Variants in ECPAS observed in about 807,000 individuals in gnomAD.
ECPAS encodes proteasome adapter and scaffold protein ECM29.
Under a neutral mutation model 255.1 loss-of-function variants are expected in ECPAS, and 70 were observed. The ratio of observed to expected loss-of-function variants is 0.27; its 90% CI spans 0.23 to 0.33. ECPAS has a LOEUF of 0.33. Ranked by LOEUF, ECPAS falls within the 10% of genes least tolerant of loss-of-function variation. ECPAS has a pLI of 1.00. For missense variants in ECPAS, 1,817 were observed against 2,206.4 expected (o/e 0.82, Z 3.54); for synonymous variants, 784 against 775.0 (o/e 1.01, Z -0.19).
chr9:111,425,542 A>T, intron 11 of ECPAS, 46 bp from the exon 12 acceptor site: 1 of 1,309,120 alleles, frequency 7.6e-7, no homozygotes, highest in Non-Finnish European at 1.1e-6. Flanking sequence ...GAATCTCATG[A>T]CTACATATCT....
chr9:111,391,202 C>A (rs1027722162), intron 29 of ECPAS, among the ~76,000 whole-genome samples: 1 of 152,178 alleles, frequency 6.6e-6, no homozygotes, highest in Non-Finnish European at 1.5e-5. Flanking sequence ...CTCATCCCCC[C>A]AGAGTGACCC....
In ECPAS at chr9:111,397,084, C is replaced by A; in HGVS notation, c.2722G>T (p.Val908Leu). Residue 908 changes from valine (V) to leucine (L), a missense_variant, in exon 25 of 50, where the codon GTG becomes TTG. Coordinates refer to ENST00000684092, the MANE Select transcript of ECPAS (RefSeq NM_001364929.1). ...ATTTGCCAGGCATCTCGGGCAGCCA[C>A]AGAACTAGTTCCTATTGCAGCACTG... is the stretch of plus-strand genomic sequence containing the variant. ...ITSAAIGTSS[V>L]AARDAWQMTE... The A allele has an allele frequency of 1.2e-6, 2 of 1,613,960 alleles. No individual in the cohort carries two copies. The highest frequency in any genetic ancestry group is 8.5e-7 in the Non-Finnish European group (1 of 1,179,854).
At chr9:111,433,574 A>G (rs2098233268) in intron 7 of ECPAS, among the ~76,000 whole-genome samples, 1 of 152,170 alleles carries the variant, frequency 6.6e-6, no homozygotes. Flanking sequence ...CACAATAATA[A>G]ATCAATCATT....
In ECPAS at chr9:111,406,893, A is replaced by C. The variant is rs117253180; in HGVS notation, c.2652+1678T>G. On this transcript the variant is annotated intron_variant, in intron 24 of 49. Transcript: ENST00000684092. ...TCCTATTGTAAAAATAAAATAAATA[A>C]AAAATAAAAACAGTTAAAAGAAACC... 8.8e-3 allele frequency among the ~76,000 whole-genome samples: 1,312 copies of C among 149,286 alleles called. 30 individuals carry two copies. The highest frequency in any genetic ancestry group is 0.014 in the Non-Finnish European group (952 of 67,894).
chr9:111,480,927 C>T (rs2098303910), intron 1 of ECPAS, among the ~76,000 whole-genome samples: 1 of 152,250 alleles, frequency 6.6e-6, no homozygotes, highest in African/African-American at 2.4e-5. Context: ...TGGAAGCACA[C>T]TGCATAGACA....
chr9:111,368,886 T>C (rs925100410), intron 46 of ECPAS, 149 bp downstream of exon 46: 2 of 693,950 alleles, frequency 2.9e-6, no homozygotes, highest in Non-Finnish European at 2.2e-6. Context: ...CAGACTCATG[T>C]AGACAAAAAA....
chr9:111,459,106 T>C (rs1190100697), intron 2 of ECPAS, among the ~76,000 whole-genome samples: 1 of 152,182 alleles, frequency 6.6e-6, no homozygotes, highest in East Asian at 1.9e-4. Context: ...CTGGTTAGGT[T>C]TGGCAGAGTA....
At chr9:111,414,839 A>G (rs2098200683) in intron 18 of ECPAS, among the ~76,000 whole-genome samples, 188 bp from the exon 19 acceptor site, 1 of 152,258 alleles carries the variant, frequency 6.6e-6, no homozygotes, top group Non-Finnish European at 1.5e-5. Flanking sequence ...TTGCAAATCC[A>G]AAGAATTTTT....
chr9:111,370,839 A>T (rs1195261272), intron 43 of ECPAS, 74 bp from the exon 44 acceptor site: 9 of 1,367,042 alleles, frequency 6.6e-6, no homozygotes, highest in Non-Finnish European at 9.2e-6. Context: ...CATGATTACA[A>T]TTACCTTAGG....
At chr9:111,482,728 C>T (rs935283250) in intron 1 of ECPAS, among the ~76,000 whole-genome samples, 1 of 152,158 alleles carries the variant, frequency 6.6e-6, no homozygotes, top group African/African-American at 2.4e-5. Flanking sequence ...TCTCACATGT[C>T]CTATGTCCTA....
At chr9:111,411,868 C>T (rs2151179) in intron 21 of ECPAS, 146 bp downstream of exon 21, 304,463 of 648,768 alleles carry the variant, frequency 0.47, 72,854 homozygotes, top group African/African-American at 0.58. Flanking sequence ...ACCAATGTAT[C>T]ACCTATCTCA....
In ECPAS at chr9:111,394,208, G is replaced by A; in HGVS notation, c.2874C>T (p.Ile958=). 1 of 1,610,078 alleles carries A rather than the reference G, an allele frequency of 6.2e-7. No homozygotes were observed. Residue 958 remains isoleucine, a synonymous_variant, in exon 26 of 50, where the codon ATC becomes ATT. Coordinates refer to ENST00000684092, the MANE Select transcript of ECPAS (RefSeq NM_001364929.1). ...GCTTCCTGACAAGGGAAAGGAGCCA[G>A]ATGCAGGCTGCTTGCCTCACGTGTG... is the stretch of plus-strand genomic sequence containing the variant. ...PNPHVRQAAC[I]WLLSLVRKLS...
chr9:111,418,511 T>C (rs1044067253), intron 16 of ECPAS, among the ~76,000 whole-genome samples: 1 of 152,156 alleles, frequency 6.6e-6, no homozygotes, highest in Non-Finnish European at 1.5e-5. Context: ...GCAATAGTCT[T>C]ATCCAGATAC....
chr9:111,387,018 T>C (rs2131589143), intron 31 of ECPAS, among the ~76,000 whole-genome samples: 1 of 152,370 alleles, frequency 6.6e-6, no homozygotes. Context: ...GCAGTTATTG[T>C]ACAGGACAGT....
At chr9:111,446,483 T>C (rs1329791882) in intron 3 of ECPAS, among the ~76,000 whole-genome samples, 1 of 152,216 alleles carries the variant, frequency 6.6e-6, no homozygotes, top group Non-Finnish European at 1.5e-5. Context: ...TAAAGAAAGC[T>C]GTAGAGATGT....
At chr9:111,404,923 AAAGAG>A (rs2098181792) in intron 24 of ECPAS, among the ~76,000 whole-genome samples, 1 of 149,568 alleles carries the variant, frequency 6.7e-6, no homozygotes, top group Non-Finnish European at 1.5e-5. Flanking sequence ...AGAACACACA[AAAGAG>A]AAGACATAGC....
chr9:111,420,979 G>A (rs1009451932), intron 15 of ECPAS, among the ~76,000 whole-genome samples: 6 of 152,174 alleles, frequency 3.9e-5, no homozygotes, highest in South Asian at 2.1e-4. Context: ...ATCTGTGTGC[G>A]TAGAACCAGT....
chr9:111,451,641 T>C (rs747745288), intron 2 of ECPAS, 86 bp from the exon 3 acceptor site: 2 of 1,269,934 alleles, frequency 1.6e-6, no homozygotes, highest in Non-Finnish European at 1.1e-6. Context: ...TCTTTTTTTC[T>C]GTACTGCAAT....
intron 49 of ECPAS, among the ~76,000 whole-genome samples, chr9:111,362,615 C>T (rs542937127): frequency 6.6e-6 from 1 of 152,166 alleles, no homozygotes; most frequent in South Asian, 2.1e-4. Context: ...ATGACACTCC[C>T]TTTTCTTCGA....
Sources: allele counts gnomAD v4.1 joint callset (sites outside exome capture counted in the v4.1 genomes callset), GRCh38; gene constraint gnomAD v4.1.1; transcripts MANE v1.5; gene names NCBI Gene and HGNC (gene_info 2026-07-23, HGNC 2026-07-21).